Variants in TBC1D9 observed in about 807,000 individuals in gnomAD.
TBC1D9 encodes the protein TBC1 domain family member 9A.
A neutral mutation model predicts 132.0 loss-of-function variants in TBC1D9; 63 were observed. The ratio of observed to expected loss-of-function variants is 0.48; its 90% CI spans 0.39 to 0.59. The LOEUF (loss-of-function observed/expected upper bound fraction) is 0.59, where lower values mean the gene tolerates loss of function less well. Among genes scored for constraint, TBC1D9 ranks in the 20% least tolerant of loss-of-function variants. The pLI, the probability that TBC1D9 is intolerant of heterozygous loss-of-function variation, is 0.00. For synonymous variants in TBC1D9, 610 were observed against 609.9 expected (o/e 1.00, Z 0.00); for missense variants, 1,261 against 1,592.7 (o/e 0.79, Z 3.54).
At chr4:140,639,843 G>A (rs565282597) in intron 13 of TBC1D9, among the ~76,000 whole-genome samples, 1 of 152,326 alleles carries the variant, frequency 6.6e-6, no homozygotes, top group South Asian at 2.1e-4. Flanking sequence ...GTAGGTTCAA[G>A]AGCATTTGTC....
intron 13 of TBC1D9, chr4:140,645,407 G>A (rs180898490): frequency 1.3e-4 from 57 of 454,800 alleles, no homozygotes; most frequent in East Asian, 2.0e-4. Context: ...CAGAGCCCGC[G>A]CATCCAAATG....
At chr4:140,702,385 AG>A (rs1463780704) in intron 1 of TBC1D9, among the ~76,000 whole-genome samples, 6 of 152,258 alleles carry the variant, frequency 3.9e-5, no homozygotes, top group Non-Finnish European at 8.8e-5. Flanking sequence ...ACTTAAGAAC[AG>A]GCTGTACCTT....
chr4:140,622,416 G>A lies in TBC1D9; in HGVS notation c.3580C>T (p.Gln1194Ter). The change falls in exon 21 of 21, where the codon CAG becomes TAG. Residue 1194 changes from glutamine (Q) to a stop codon, truncating the protein, a stop_gained. Transcript: ENST00000442267. LOFTEE classifies it high-confidence loss of function. ...CTCCGGGGCAGTGCCGCCGTGCCCTGGCCGCTCCGCACCAGGACCGTGTCC... is the reference window on the plus strand; with the variant it reads ...CTCCGGGGCAGTGCCGCCGTGCCCTAGCCGCTCCGCACCAGGACCGTGTCC... ...GEDTVLVRSG[Q>*]GTAALPRSTS... 1 of 1,613,420 alleles carries A rather than the reference G, an allele frequency of 6.2e-7. No individual in the cohort carries two copies. Among genetic ancestry groups the A allele is most frequent in the Non-Finnish European group, 8.5e-7 (1 of 1,179,510 alleles).
intron 2 of TBC1D9, among the ~76,000 whole-genome samples, chr4:140,687,376 ATATATATATATAT>A (rs1370075107): frequency 0.21 from 22,078 of 107,090 alleles, 3,107 homozygotes; most frequent in African/African-American, 0.25. Flanking sequence ...ATATATATAT[ATATATATATATAT>A]ATATATAAAC....
intron 1 of TBC1D9, among the ~76,000 whole-genome samples, chr4:140,708,648 G>C (rs1738182771): frequency 6.6e-6 from 1 of 152,196 alleles, no homozygotes; most frequent in South Asian, 2.1e-4. Flanking sequence ...GGCCAGGTGA[G>C]GGTCAGCTCC....
intron 1 of TBC1D9, among the ~76,000 whole-genome samples, chr4:140,743,009 A>T (rs1738784408): frequency 6.6e-6 from 1 of 151,206 alleles, no homozygotes; most frequent in Non-Finnish European, 1.5e-5. Context: ...AGGAGAGAGA[A>T]AGGAAGGGAT....
chr4:140,669,898 A>G (rs1737509221), intron 7 of TBC1D9, 94 bp from the exon 8 acceptor site: 1 of 1,251,598 alleles, frequency 8.0e-7, no homozygotes, highest in Non-Finnish European at 1.1e-6. Context: ...AAGCTACATC[A>G]TTTTTTTCCC....
intron 1 of TBC1D9, among the ~76,000 whole-genome samples, chr4:140,754,259 A>G (rs1738969201): frequency 6.6e-6 from 1 of 152,206 alleles, no homozygotes. Flanking sequence ...TTAATTGCAG[A>G]AGGAAATGTT....
rs1736601401 is a variant in TBC1D9 at position 140,620,876 on chromosome 4, A to G, written c.*1319T>C. 2 of 152,680 alleles carry G rather than the reference A, an allele frequency of 1.3e-5. No homozygotes were observed. Among genetic ancestry groups the G allele is most frequent in the Non-Finnish European group, 2.9e-5 (2 of 68,042 alleles). 9.5% of individuals were successfully genotyped at this position (152,680 alleles called of 1,614,324 possible). A position where few individuals can be genotyped will look rare whatever the true frequency, so the allele number is the denominator to read the frequency against. ...GTTTAAAAATCATCCTGTAAATAGAATAAAAAACAACAGCAGCAATAGCTA... is the reference window on the plus strand; with the variant it reads ...GTTTAAAAATCATCCTGTAAATAGAGTAAAAAACAACAGCAGCAATAGCTA... On this transcript the variant is annotated 3_prime_UTR_variant, in exon 21 of 21. Coordinates refer to ENST00000442267, the MANE Select transcript of TBC1D9 (RefSeq NM_015130.3).
intron 1 of TBC1D9, 101 bp downstream of exon 1, chr4:140,755,815 C>A: frequency 7.3e-7 from 1 of 1,379,058 alleles, no homozygotes. Flanking sequence ...TCGCCCAGCC[C>A]CAGGGGACCG....
chr4:140,634,331 GTC>G, intron 15 of TBC1D9, 143 bp from the exon 16 acceptor site: 4 of 1,145,892 alleles, frequency 3.5e-6, no homozygotes, highest in Non-Finnish European at 4.9e-6. Context: ...GGCCCCCTTG[GTC>G]TCTTAGTTCT....
intron 2 of TBC1D9, among the ~76,000 whole-genome samples, chr4:140,688,469 C>T (rs1243953286): frequency 6.6e-6 from 1 of 152,136 alleles, no homozygotes; most frequent in Non-Finnish European, 1.5e-5. Context: ...AGTTTGAGAC[C>T]AGCCTGGGCA....
Position 140,679,719 on chromosome 4 carries a change from T to C in TBC1D9, c.485A>G (p.Asn162Ser), listed in dbSNP as rs750433882. ...FGMPEEEKLVNYYSCSYWKGK... is the reference protein window; with the variant it reads ...FGMPEEEKLVSYYSCSYWKGK... ...CTTCCAATAGCTGCAAGAGTAATAG[T>C]TGACGAGTTTCTCTTCCTCTGGCAT... is the stretch of plus-strand genomic sequence containing the variant. The change falls in exon 4 of 21, where the codon AAC (asparagine) becomes AGC (serine). Residue 162 changes from asparagine to serine, a missense_variant. Asn to Ser is a conservative substitution (Grantham distance 46). Coordinates refer to ENST00000442267, the MANE Select transcript of TBC1D9 (RefSeq NM_015130.3). 1.9e-6 allele frequency: 3 copies of C among 1,613,820 alleles called. No homozygotes were observed. The highest frequency in any genetic ancestry group is 2.2e-5 in the East Asian group (1 of 44,870).
chr4:140,623,316 C>T (rs191251524), intron 20 of TBC1D9, among the ~76,000 whole-genome samples: 2 of 152,282 alleles, frequency 1.3e-5, no homozygotes, highest in Admixed American at 6.5e-5. Flanking sequence ...GATCCTCCTG[C>T]CTTGGCCTCC....
At chr4:140,646,527 T>C (rs144032098) in intron 13 of TBC1D9, among the ~76,000 whole-genome samples, 47 of 152,318 alleles carry the variant, frequency 3.1e-4, no homozygotes, top group Non-Finnish European at 2.2e-4. Flanking sequence ...TTTTCTGACA[T>C]CCCTATAAAT....
intron 13 of TBC1D9, chr4:140,644,726 G>A (rs1170850344): frequency 4.9e-6 from 2 of 409,658 alleles, no homozygotes; most frequent in Non-Finnish European, 9.5e-6. Context: ...GAAAAGAGCT[G>A]CAACTGCTGG....
In TBC1D9 at chr4:140,661,917, T is replaced by G; in HGVS notation, c.1779A>C (p.Arg593=). The G allele has an allele frequency of 6.2e-7, 1 of 1,613,898 alleles. No homozygotes were observed. Among genetic ancestry groups the G allele is most frequent in the Non-Finnish European group, 8.5e-7 (1 of 1,179,848 alleles). The change falls in exon 10 of 21, where the codon CGA becomes CGC. Residue 593 remains arginine, a synonymous_variant. Coordinates refer to ENST00000442267, the MANE Select transcript of TBC1D9 (RefSeq NM_015130.3). The part of the protein sequence containing the change: ...LRRVLTAYAF[R]NPNIGYCQAM... ...CCTGGCAATACCCTATGTTGGGATT[T>G]CGAAAAGCATAAGCTGTTAAGACTC...
chr4:140,657,872 A>G (rs886219217), intron 11 of TBC1D9, 60 bp from the exon 12 acceptor site: 8 of 1,534,912 alleles, frequency 5.2e-6, no homozygotes, highest in Middle Eastern at 2.4e-4. Flanking sequence ...GTAACTAAAG[A>G]ATCCATTCAA....
At chr4:140,641,113 A>AAAAAAAAAAAAG (rs1736986009) in intron 13 of TBC1D9, among the ~76,000 whole-genome samples, 1 of 148,956 alleles carries the variant, frequency 6.7e-6, no homozygotes, top group Non-Finnish European at 1.5e-5. Context: ...AACAAAAAAA[A>AAAAAAAAAAAAG]ACAGAAGCAA....
Sources: allele counts gnomAD v4.1 joint callset (sites outside exome capture counted in the v4.1 genomes callset), GRCh38; gene constraint gnomAD v4.1.1; transcripts MANE v1.5; gene names NCBI Gene and HGNC (gene_info 2026-07-23, HGNC 2026-07-21).